Variants in GDPD5 observed in about 807,000 individuals in gnomAD.
GDPD5 encodes glycerophosphodiester phosphodiesterase domain containing 5, also known as glycerophosphodiester phosphodiesterase 2.
Under a neutral mutation model 75.1 loss-of-function variants are expected in GDPD5, and 48 were observed. That is an observed-to-expected ratio of 0.64 (90% confidence interval 0.51 to 0.81). The LOEUF (loss-of-function observed/expected upper bound fraction) is 0.81, where lower values mean the gene tolerates loss of function less well. Ranked by LOEUF, GDPD5 falls within the 40% of genes least tolerant of loss-of-function variation. The pLI is 0.00. For synonymous variants in GDPD5, 336 were observed against 339.0 expected, an observed-to-expected ratio of 0.99 and a Z score of 0.10; for missense variants, 706 against 822.6, an observed-to-expected ratio of 0.86 and a Z score of 1.73.
intron 2 of GDPD5, among the ~76,000 whole-genome samples, chr11:75,488,305 T>C (rs577776481): frequency 2.0e-5 from 3 of 152,156 alleles, no homozygotes; most frequent in African/African-American, 7.2e-5. Flanking sequence ...TTGGGGGTAG[T>C]AGAGACTTTC....
At chr11:75,492,365 A>G (rs1415031110) in intron 1 of GDPD5, 1 of 152,218 alleles carries the variant, frequency 6.6e-6, no homozygotes. Flanking sequence ...CACGGGGCCA[A>G]TGGGAGCCTG....
chr11:75,476,274 G>T (rs1949775692), intron 3 of GDPD5, among the ~76,000 whole-genome samples: 1 of 152,054 alleles, frequency 6.6e-6, no homozygotes, highest in Non-Finnish European at 1.5e-5. Context: ...TGGGCATCTG[G>T]AAGGACCTGT....
intron 1 of GDPD5, chr11:75,508,958 G>A (rs941249717): frequency 6.6e-6 from 1 of 152,336 alleles, no homozygotes; most frequent in Non-Finnish European, 1.5e-5. Flanking sequence ...GGGGGTACCT[G>A]AGGCCCTGCT....
chr11:75,441,202 G>A lies in GDPD5; in HGVS notation c.1434C>T (p.Ser478=). Reference sequence around the variant, plus strand: ...GGGAAGGCACCTGGGACAGGGCGTGGGAGTTGTCAGAGGTGACGGATGGGA... The same window carrying A: ...GGGAAGGCACCTGGGACAGGGCGTGAGAGTTGTCAGAGGTGACGGATGGGA... ...AGVPSVTSDN[S]HALSQVPSPL... Residue 478 remains serine, a synonymous_variant, in exon 14 of 17, where the codon TCC becomes TCT. Transcript: ENST00000336898. 1.9e-6 allele frequency: 3 copies of A among 1,613,990 alleles called. No individual in the cohort carries two copies. The highest frequency in any genetic ancestry group is 2.5e-6 in the Non-Finnish European group (3 of 1,179,978).
chr11:75,466,356 G>A lies in GDPD5; in HGVS notation c.118-3467C>T, dbSNP rs151316761. Among the ~76,000 whole-genome samples, 500 of 152,282 alleles carry A rather than the reference G, an allele frequency of 3.3e-3. 1 individual carries two copies. Among genetic ancestry groups the A allele is most frequent in the African/African-American group, 0.011 (473 of 41,544 alleles). Reference sequence around the variant, plus strand: ...AGGAAAACACTGAATGGCAGGGACTGGAAGGAAGGGAAGGGGAAGGTGAGG... The same window carrying A: ...AGGAAAACACTGAATGGCAGGGACTAGAAGGAAGGGAAGGGGAAGGTGAGG... On this transcript the variant is annotated intron_variant, in intron 3 of 16. Coordinates refer to ENST00000336898, the MANE Select transcript of GDPD5 (RefSeq NM_030792.8).
In GDPD5 at chr11:75,525,917, C is replaced by G. The variant is rs1481999922; in HGVS notation, c.-852G>C. The stretch of plus-strand genomic sequence containing the variant: ...CTGTCATCCCCGCCACCCACCCCCA[C>G]CGGAGCCGCAGCCCGAGCTCAGCCG... On this transcript the variant is annotated 5_prime_UTR_variant, in exon 1 of 17. Coordinates refer to ENST00000336898, the MANE Select transcript of GDPD5 (RefSeq NM_030792.8). 6.6e-6 allele frequency: 1 copy of G among 151,158 alleles called. No individual in the cohort carries two copies. The highest frequency in any genetic ancestry group is 1.5e-5 in the Non-Finnish European group (1 of 67,780). 9.4% of individuals were successfully genotyped at this position (151,158 alleles called of 1,614,324 possible). A position where few individuals can be genotyped will look rare whatever the true frequency, so the allele number is the denominator to read the frequency against.
intron 3 of GDPD5, among the ~76,000 whole-genome samples, chr11:75,474,399 T>C (rs956841303): frequency 2.0e-5 from 3 of 152,214 alleles, no homozygotes; most frequent in Non-Finnish European, 4.4e-5. Flanking sequence ...AAGTCCTTAA[T>C]TGGCAGTATT....
At chr11:75,454,927 C>A (rs928105115) in intron 6 of GDPD5, among the ~76,000 whole-genome samples, 4 of 152,190 alleles carry the variant, frequency 2.6e-5, no homozygotes, top group Non-Finnish European at 5.9e-5. Context: ...ATGGCAGAAT[C>A]TTAGAAACAG....
Position 75,525,915 on chromosome 11 carries a change from C to T in GDPD5, c.-850G>A, listed in dbSNP as rs1432261692. On this transcript the variant is annotated 5_prime_UTR_variant, in exon 1 of 17. Coordinates refer to ENST00000336898, the MANE Select transcript of GDPD5 (RefSeq NM_030792.8). ...CGCTGTCATCCCCGCCACCCACCCC[C>T]ACCGGAGCCGCAGCCCGAGCTCAGC... 1.3e-5 allele frequency: 2 copies of T among 151,396 alleles called. No individual in the cohort carries two copies. Among genetic ancestry groups the T allele is most frequent in the Non-Finnish European group, 2.9e-5 (2 of 67,918 alleles). 9.4% of individuals were successfully genotyped at this position (151,396 alleles called of 1,614,324 possible).
chr11:75,488,414 A>C (rs1290487119), intron 2 of GDPD5, among the ~76,000 whole-genome samples: 2 of 152,056 alleles, frequency 1.3e-5, no homozygotes, highest in Non-Finnish European at 2.9e-5. Context: ...GGCTCTTCCT[A>C]AGTCCCAGGG....
intron 1 of GDPD5, among the ~76,000 whole-genome samples, chr11:75,499,814 T>C (rs958968748): frequency 6.6e-6 from 1 of 152,120 alleles, no homozygotes; most frequent in Non-Finnish European, 1.5e-5. Context: ...TTGTTTGCAG[T>C]GTCTACGAAA....
At chr11:75,523,792 T>C (rs1379555364) in intron 1 of GDPD5, among the ~76,000 whole-genome samples, 3 of 152,220 alleles carry the variant, frequency 2.0e-5, no homozygotes, top group Admixed American at 6.5e-5. Flanking sequence ...AGCCCCTCAG[T>C]CACCTTGTCT....
At chr11:75,448,363 C>T (rs1894213) in intron 9 of GDPD5, 310,117 of 519,728 alleles carry the variant, frequency 0.6, 95,230 homozygotes, top group East Asian at 0.79. Context: ...CAGGTGCTCT[C>T]ACTAGTCCCA....
intron 6 of GDPD5, chr11:75,455,175 C>T (rs73006143): frequency 2.5e-6 from 1 of 400,020 alleles, no homozygotes; most frequent in Non-Finnish European, 5.0e-6. Context: ...ATAGGCCTCT[C>T]CACTAGAATC....
rs1949525942 is a variant in GDPD5, at chr11:75,466,768, G to A, written c.118-3879C>T. Among the ~76,000 whole-genome samples the A allele has an allele frequency of 2.0e-5, 3 of 152,184 alleles. No individual in the cohort carries two copies. The South Asian group carries it at 6.2e-4, about 31-fold the overall frequency. On this transcript the variant is annotated intron_variant, in intron 3 of 16. Transcript: ENST00000336898. ...ATTTGCTGGCACATGGCGGGCGGGT[G>A]TGTCCTAGAAAATGGGTGCTTTTTG...
chr11:75,507,141 G>T (rs1950417453), intron 1 of GDPD5: 1 of 152,560 alleles, frequency 6.6e-6, no homozygotes, highest in South Asian at 2.1e-4. Flanking sequence ...GGCCAAAGCT[G>T]CCCTGGGGCC....
rs1258329502 is a variant in GDPD5 at position 75,439,435 on chromosome 11, G to C, written c.1556+444C>G. ...GCGCCGATCAGAGCAGGATGGGACAGAGAGAGAACATCAGTCAAGAATAAA... is the reference window on the plus strand; with the variant it reads ...GCGCCGATCAGAGCAGGATGGGACACAGAGAGAACATCAGTCAAGAATAAA... On this transcript the variant is annotated intron_variant, in intron 15 of 16. Coordinates refer to ENST00000336898, the MANE Select transcript of GDPD5 (RefSeq NM_030792.8). The C allele has an allele frequency of 6.8e-6, 3 of 440,198 alleles. No homozygotes were observed. The East Asian group carries it at 2.1e-4, about 31-fold the overall frequency. 27.3% of individuals were successfully genotyped at this position (440,198 alleles called of 1,614,324 possible).
chr11:75,474,275 G>A (rs1201645578), intron 3 of GDPD5, among the ~76,000 whole-genome samples: 1 of 152,210 alleles, frequency 6.6e-6, no homozygotes, highest in Non-Finnish European at 1.5e-5. Flanking sequence ...AGTTCCTCCA[G>A]GCATCTGACC....
chr11:75,477,145 AT>A (rs1312059099), intron 3 of GDPD5, among the ~76,000 whole-genome samples: 1 of 152,228 alleles, frequency 6.6e-6, no homozygotes, highest in Admixed American at 6.5e-5. Flanking sequence ...GGCTTTCTTT[AT>A]CCGGCTGTGC....
Sources: gnomAD v4.1 joint callset for allele counts (sites outside exome capture counted in the v4.1 genomes callset) on GRCh38, gnomAD v4.1.1 for gene constraint, MANE v1.5 for transcripts, NCBI Gene and HGNC (gene_info 2026-07-23, HGNC 2026-07-21) for gene names.